Variants in EMILIN2 observed in about 807,000 individuals in gnomAD.
EMILIN2 encodes the protein elastin microfibril interfacer 2.
EMILIN2 carries 71 observed loss-of-function variants against 87.1 expected under a neutral mutation model. The observed-to-expected ratio is 0.82, with a 90% CI of 0.67 to 0.99. The LOEUF is 0.99. EMILIN2 is among the 50% of genes least tolerant of loss of function. The pLI, the probability that EMILIN2 is intolerant of heterozygous loss-of-function variation, is 0.00. For missense variants in EMILIN2, 1,407 were observed against 1,371.8 expected, an observed-to-expected ratio of 1.03 and a Z score of -0.40; for synonymous variants, 581 against 563.4, an observed-to-expected ratio of 1.03 and a Z score of -0.44.
intron 2 of EMILIN2, among the ~76,000 whole-genome samples, chr18:2,871,767 C>T (rs568330684): frequency 6.6e-6 from 1 of 152,282 alleles, no homozygotes; most frequent in African/African-American, 2.4e-5. Context: ...ACCTGATTGT[C>T]GGAAATTAAC....
intron 3 of EMILIN2, among the ~76,000 whole-genome samples, chr18:2,887,954 C>G (rs2076811242): frequency 6.6e-6 from 1 of 152,154 alleles, no homozygotes; most frequent in Non-Finnish European, 1.5e-5. Context: ...GGCAGAACCA[C>G]TGCACTCGAC....
intron 2 of EMILIN2, among the ~76,000 whole-genome samples, chr18:2,860,949 A>G (rs9675611): frequency 0.11 from 16,217 of 152,158 alleles, 2,904 homozygotes; most frequent in African/African-American, 0.37. Flanking sequence ...GTGAGATGGT[A>G]TCTCATTGTG....
rs142824389 is a variant in EMILIN2, at chr18:2,902,163, AATT to A, written c.2360-4616_2360-4614del. The stretch of plus-strand genomic sequence containing the variant: ...TGCCTTGTTAGGACCCCAGAATGGC[AATT>A]ATTTTTGGCAAAATTAGGGTTCCCA... On this transcript the variant is annotated intron_variant, in intron 4 of 7. Transcript: ENST00000254528. Among the ~76,000 whole-genome samples, 865 of 152,326 alleles carry A rather than the reference AATT, an allele frequency of 5.7e-3. 11 individuals carry two copies. The highest frequency in any genetic ancestry group is 0.02 in the African/African-American group (812 of 41,574).
chr18:2,852,720 T>C (rs1260039096), intron 2 of EMILIN2, among the ~76,000 whole-genome samples: 7 of 152,210 alleles, frequency 4.6e-5, no homozygotes, highest in African/African-American at 1.4e-4. Flanking sequence ...GGTTTCACCA[T>C]GTTGGCCAGA....
At chr18:2,846,657 G>T (rs993563022), upstream of EMILIN2, 8 of 637,290 alleles carry the variant, frequency 1.3e-5, no homozygotes, top group Non-Finnish European at 1.6e-5. The surrounding 1 kb of genome is among the most constrained non-coding windows in gnomAD (Gnocchi z 5.3). Flanking sequence ...TTCGCCCCGG[G>T]AGGCTGGCAC....
In EMILIN2 at chr18:2,850,069, G is replaced by T. The variant is rs553893498; in HGVS notation, c.257+2138G>T. Among the ~76,000 whole-genome samples, 24 of 151,094 alleles carry T rather than the reference G, an allele frequency of 1.6e-4. 1 individual carries two copies. In the South Asian group the frequency reaches 5.1e-3, roughly 32 times the overall value. ...AGCCTCCCGAGTAGCTGGGACTACAGGTGTGTGCCACCATGCCCAGCTAAT... is the reference window on the plus strand; with the variant it reads ...AGCCTCCCGAGTAGCTGGGACTACATGTGTGTGCCACCATGCCCAGCTAAT... On this transcript the variant is annotated intron_variant, in intron 2 of 7. Transcript: ENST00000254528.
At chr18:2,874,641 C>A (rs992190348) in intron 2 of EMILIN2, among the ~76,000 whole-genome samples, 2 of 152,116 alleles carry the variant, frequency 1.3e-5, no homozygotes, top group Non-Finnish European at 2.9e-5. Flanking sequence ...ATTTCAAAAA[C>A]ATAGTAATAC....
chr18:2,905,344 TA>T (rs747821716), intron 4 of EMILIN2, among the ~76,000 whole-genome samples: 9 of 151,992 alleles, frequency 5.9e-5, no homozygotes, highest in African/African-American at 4.8e-5. Context: ...ATCTTAGTTT[TA>T]TTTTTTTAAT....
chr18:2,899,598 G>A (rs1038012584), intron 4 of EMILIN2, among the ~76,000 whole-genome samples: 3 of 151,984 alleles, frequency 2.0e-5, no homozygotes, highest in Non-Finnish European at 2.9e-5. Flanking sequence ...TCTGCCTCCT[G>A]GGTTCAAGCA....
intron 2 of EMILIN2, among the ~76,000 whole-genome samples, chr18:2,884,540 C>G (rs1219224665): frequency 6.6e-6 from 1 of 152,232 alleles, no homozygotes; most frequent in African/African-American, 2.4e-5. Flanking sequence ...GCCACTGTGC[C>G]CGGCCAGGAA....
chr18:2,906,676 C>T (rs937793638), intron 4 of EMILIN2, 107 bp from the exon 5 acceptor site: 119 of 907,436 alleles, frequency 1.3e-4, no homozygotes, highest in Non-Finnish European at 1.6e-4. Context: ...GCCGCAGAGT[C>T]CTCACGGGGA....
intron 5 of EMILIN2, 24 bp downstream of exon 5, chr18:2,907,109 A>AGGAGCGCGGGGC (rs1331500436): frequency 3.2e-6 from 4 of 1,232,224 alleles, no homozygotes; most frequent in Non-Finnish European, 4.0e-6. Flanking sequence ...CTGCGCGGGG[A>AGGAGCGCGGGGC]GGAGCGCGGG....
In EMILIN2 at chr18:2,913,648, TG is replaced by T; in HGVS notation, c.*246del. 2.1e-6 allele frequency: 1 copy of T among 479,944 alleles called. No individual in the cohort carries two copies. The highest frequency in any genetic ancestry group is 3.7e-6 in the Non-Finnish European group (1 of 270,908). 29.7% of individuals were successfully genotyped at this position (479,944 alleles called of 1,614,324 possible). ...ACTCTAACTGGACAACTGGAAGACTTGGAAAGGCCTCCACCTGTATCTACAC... is the reference window on the plus strand; with the variant it reads ...ACTCTAACTGGACAACTGGAAGACTTGAAAGGCCTCCACCTGTATCTACAC... On this transcript the variant is annotated 3_prime_UTR_variant, in exon 8 of 8. Transcript: ENST00000254528.
Position 2,847,678 on chromosome 18 carries a change from C to T in EMILIN2, c.135-131C>T. The T allele has an allele frequency of 4.3e-6, 6 of 1,399,500 alleles. No homozygotes were observed. In the South Asian group the frequency reaches 8.7e-5, roughly 20 times the overall value. 86.7% of individuals were successfully genotyped at this position (1,399,500 alleles called of 1,614,324 possible). A position where few individuals can be genotyped will look rare whatever the true frequency, so the allele number is the denominator to read the frequency against. On this transcript the variant is annotated intron_variant, in intron 1 of 7. Coordinates refer to ENST00000254528, the MANE Select transcript of EMILIN2 (RefSeq NM_032048.3). This position sits in a 1 kb window ranked among gnomAD's most constrained non-coding sequence, Gnocchi z 4.5. ...ACCCTCCGGCGTCTGCTCGGTGAAG[C>T]TCCCGCCTCCGCAGAGGGCGACGGG...
At chr18:2,881,795 C>T (rs756023847) in intron 2 of EMILIN2, among the ~76,000 whole-genome samples, 15 of 152,258 alleles carry the variant, frequency 9.9e-5, no homozygotes, top group African/African-American at 3.4e-4. Flanking sequence ...TACTTGAGAA[C>T]GCAAAACAAT....
chr18:2,906,764 T>C lies in EMILIN2; in HGVS notation c.2360-19T>C. 7.8e-7 allele frequency: 1 copy of C among 1,276,632 alleles called. No individual in the cohort carries two copies. The highest frequency in any genetic ancestry group is 2.7e-5 in the South Asian group (1 of 37,502). 79.1% of individuals were successfully genotyped at this position (1,276,632 alleles called of 1,614,324 possible). A position where few individuals can be genotyped will look rare whatever the true frequency, so the allele number is the denominator to read the frequency against. On this transcript the variant is annotated intron_variant, in intron 4 of 7. Transcript: ENST00000254528. Reference sequence around the variant, plus strand: ...GGTTTCCTAATCCCGTGTGTTTCTTTCTCCCCGACGCCCGGCAGAGGCGCC... The same window carrying C: ...GGTTTCCTAATCCCGTGTGTTTCTTCCTCCCCGACGCCCGGCAGAGGCGCC...
intron 2 of EMILIN2, among the ~76,000 whole-genome samples, chr18:2,881,157 C>G (rs1374195470): frequency 6.6e-6 from 1 of 152,142 alleles, no homozygotes; most frequent in African/African-American, 2.4e-5. Context: ...CCAACTGAGC[C>G]CGAGGGCTGA....
At chr18:2,887,569 C>T (rs767772047) in intron 3 of EMILIN2, among the ~76,000 whole-genome samples, 1 of 152,174 alleles carries the variant, frequency 6.6e-6, no homozygotes, top group Non-Finnish European at 1.5e-5. Flanking sequence ...CTCGCTCCCT[C>T]TCTTACCATG....
At chr18:2,849,619 AATT>A (rs1166079354) in intron 2 of EMILIN2, among the ~76,000 whole-genome samples, 1 of 152,214 alleles carries the variant, frequency 6.6e-6, no homozygotes, top group Non-Finnish European at 1.5e-5. Flanking sequence ...AGGACAACAG[AATT>A]ATTATAAAAA....
Sources: allele counts gnomAD v4.1 joint callset (sites outside exome capture counted in the v4.1 genomes callset), GRCh38; gene constraint gnomAD v4.1.1; non-coding constraint Gnocchi (gnomAD v3.1); transcripts MANE v1.5; gene names NCBI Gene and HGNC (gene_info 2026-07-23, HGNC 2026-07-21).